ZNF714: variants seen among roughly 807,000 people sequenced by gnomAD.
ZNF714 encodes the protein zinc finger protein 714.
ZNF714 carries 32 observed loss-of-function variants against 46.2 expected under a neutral mutation model. The observed-to-expected ratio is 0.69, with a 90% CI of 0.52 to 0.93. The LOEUF is 0.93. ZNF714 is among the 40% of genes least tolerant of loss of function. The pLI, the probability that ZNF714 is intolerant of heterozygous loss-of-function variation, is 0.00. For missense variants in ZNF714, 635 were observed against 646.3 expected (o/e 0.98, Z 0.19); for synonymous variants, 199 against 213.1 (o/e 0.93, Z 0.58).
At chr19:21,094,617 C>A (rs11085429) in intron 2 of ZNF714, among the ~76,000 whole-genome samples, 11,540 of 152,218 alleles carry the variant, frequency 0.076, 501 homozygotes, top group Non-Finnish European at 0.086. Flanking sequence ...ACCTCCACCT[C>A]CTTGATTCAA....
chr19:21,110,959 A>G (rs1011019701), intron 4 of ZNF714, among the ~76,000 whole-genome samples: 2 of 152,098 alleles, frequency 1.3e-5, no homozygotes, highest in Admixed American at 1.3e-4. Context: ...GTCTGTTTTT[A>G]TAACAGTACC....
rs1969759447 is a variant in ZNF714 at position 21,124,373 on chromosome 19, C to T, written c.*6041C>T. On this transcript the variant is annotated 3_prime_UTR_variant, in exon 5 of 5. Transcript: ENST00000456283. ...AACATGCTGTTAAATATCAGAGTTC[C>T]TATGATTATGACTAAAAAATTAAAT... Among the ~76,000 whole-genome samples the T allele has an allele frequency of 6.6e-6, 1 of 152,034 alleles. No individual in the cohort carries two copies. The highest frequency in any genetic ancestry group is 2.1e-4 in the South Asian group (1 of 4,816).
rs1378483057 is a variant in ZNF714, at chr19:21,124,941, T to C, written c.*6609T>C. ...ATTTAAAATAATATAATTTTTTTCTTTTTTTTTTTTTTTTTTAAGGCCAGG... is the reference window on the plus strand; with the variant it reads ...ATTTAAAATAATATAATTTTTTTCTCTTTTTTTTTTTTTTTTAAGGCCAGG... On this transcript the variant is annotated 3_prime_UTR_variant, in exon 5 of 5. Coordinates refer to ENST00000456283, the MANE Select transcript of ZNF714 (RefSeq NM_182515.4). 3 of 7,454 alleles carry C rather than the reference T, an allele frequency of 4.0e-4. No individual in the cohort carries two copies. The highest frequency in any genetic ancestry group is 0.02 in the East Asian group (2 of 102). The allele number at this position is 7,454 out of a possible 1,614,324, so 0.5% of individuals were successfully genotyped here.
intron 2 of ZNF714, among the ~76,000 whole-genome samples, chr19:21,085,679 TC>T (rs138422829): frequency 0.16 from 24,691 of 152,064 alleles, 2,206 homozygotes; most frequent in South Asian, 0.26. Flanking sequence ...TGGGGGATGC[TC>T]CCCTGCAGAT....
chr19:21,094,096 T>G (rs541885249), intron 2 of ZNF714, among the ~76,000 whole-genome samples: 7 of 152,368 alleles, frequency 4.6e-5, no homozygotes, highest in Admixed American at 4.6e-4. Flanking sequence ...GTTCAAACGA[T>G]TCTCCTGCCT....
intron 2 of ZNF714, among the ~76,000 whole-genome samples, chr19:21,094,241 TCAGC>T (rs1291963989): frequency 2.0e-5 from 3 of 152,264 alleles, no homozygotes; most frequent in Non-Finnish European, 4.4e-5. Flanking sequence ...TCCACCAGCC[TCAGC>T]CTCCCAAAGT....
intron 2 of ZNF714, among the ~76,000 whole-genome samples, chr19:21,095,515 T>G (rs934927453): frequency 2.6e-5 from 4 of 151,586 alleles, no homozygotes; most frequent in Non-Finnish European, 4.4e-5. Flanking sequence ...CAGGCTGGAG[T>G]GCAGTGGTGT....
chr19:21,100,537 A>T (rs1969152884), intron 4 of ZNF714, among the ~76,000 whole-genome samples: 1 of 152,104 alleles, frequency 6.6e-6, no homozygotes. Flanking sequence ...CATCTCAATA[A>T]AACAAAAAGA....
intron 4 of ZNF714, among the ~76,000 whole-genome samples, chr19:21,099,169 T>TTTTTG (rs570801039): frequency 2.2e-3 from 335 of 152,220 alleles, no homozygotes; most frequent in African/African-American, 6.6e-3. Context: ...ACACTGTTTT[T>TTTTTG]TTTTGTTTTG....
At chr19:21,116,101 T>C (rs1383366166) in intron 4 of ZNF714, among the ~76,000 whole-genome samples, 1 of 152,150 alleles carries the variant, frequency 6.6e-6, no homozygotes, top group African/African-American at 2.4e-5. Flanking sequence ...GTTTTTATCT[T>C]GTAGCTTTCT....
chr19:21,085,148 T>C (rs1269205213), intron 2 of ZNF714, among the ~76,000 whole-genome samples: 1 of 152,104 alleles, frequency 6.6e-6, no homozygotes, highest in East Asian at 1.9e-4. Flanking sequence ...ATAGGGAAAA[T>C]CTCTATTCTA....
At chr19:21,087,222 C>CAAAAA (rs57295093) in intron 2 of ZNF714, among the ~76,000 whole-genome samples, 39 of 92,102 alleles carry the variant, frequency 4.2e-4, no homozygotes, top group African/African-American at 8.7e-4. Flanking sequence ...GCAGTCTCAG[C>CAAAAA]AAAAAAAAAA....
At chr19:21,104,195 A>ATAT (rs1969257046) in intron 4 of ZNF714, among the ~76,000 whole-genome samples, 1 of 151,806 alleles carries the variant, frequency 6.6e-6, no homozygotes, top group Non-Finnish European at 1.5e-5. Context: ...TTCTTTGATT[A>ATAT]TATTTGATTT....
chr19:21,089,481 C>T (rs1453616036), intron 2 of ZNF714, among the ~76,000 whole-genome samples: 3 of 152,288 alleles, frequency 2.0e-5, no homozygotes, highest in Non-Finnish European at 4.4e-5. Flanking sequence ...AGAGAATCAA[C>T]AAATGGTAAA....
At chr19:21,096,023 G>A (rs1969030398) in intron 2 of ZNF714, among the ~76,000 whole-genome samples, 1 of 152,132 alleles carries the variant, frequency 6.6e-6, no homozygotes, top group African/African-American at 2.4e-5. Flanking sequence ...TGAGAGTTAA[G>A]TGCCACATTT....
intron 4 of ZNF714, among the ~76,000 whole-genome samples, chr19:21,103,502 G>A (rs1174799268): frequency 6.6e-6 from 1 of 152,078 alleles, no homozygotes; most frequent in African/African-American, 2.4e-5. Flanking sequence ...GCAGTGAGCC[G>A]AGATCACGCC....
chr19:21,106,850 A>T (rs1969330629), intron 4 of ZNF714, among the ~76,000 whole-genome samples: 1 of 151,820 alleles, frequency 6.6e-6, no homozygotes, highest in Non-Finnish European at 1.5e-5. Flanking sequence ...ATGTTTTGAG[A>T]TGGAGTCTAG....
chr19:21,099,022 T>TGTCACCC, intron 4 of ZNF714, 112 bp downstream of exon 4: 1 of 588,596 alleles, frequency 1.7e-6, no homozygotes, highest in Non-Finnish European at 2.8e-6. Context: ...TTGCAAAGTA[T>TGTCACCC]ATAGTTTCTG....
Position 21,117,389 on chromosome 19 carries a change from C to T in ZNF714, c.725C>T (p.Ser242Leu). 6.2e-7 allele frequency: 1 copy of T among 1,613,506 alleles called. No homozygotes were observed. The highest frequency in any genetic ancestry group is 1.3e-5 in the African/African-American group (1 of 75,002). Residue 242 changes from serine (S) to leucine (L), a missense_variant, in exon 5 of 5, where the codon TCA becomes TTA. Transcript: ENST00000456283. The part of the protein sequence containing the change: ...EECGKAFYHS[S>L]HLTTHKVIHT... ...TGTGGCAAAGCCTTCTACCATTCTT[C>T]ACACCTTACTACACATAAGGTAATT...
Sources: allele counts gnomAD v4.1 joint callset (sites outside exome capture counted in the v4.1 genomes callset), GRCh38; gene constraint gnomAD v4.1.1; transcripts MANE v1.5; gene names NCBI Gene and HGNC (gene_info 2026-07-23, HGNC 2026-07-21).